Variants in FAM184A observed in about 807,000 individuals in gnomAD.
The protein encoded by FAM184A is protein FAM184A.
In FAM184A, 99 loss-of-function variants were observed where a neutral mutation model predicts 143.8. That is an observed-to-expected ratio of 0.69 (90% CI 0.58 to 0.81). The LOEUF (loss-of-function observed/expected upper bound fraction) is 0.81, where lower values mean the gene tolerates loss of function less well. Ranked by LOEUF, FAM184A falls within the 40% of genes least tolerant of loss-of-function variation. FAM184A has a pLI of 0.00. For missense variants in FAM184A, 1,217 were observed against 1,310.5 expected, an observed-to-expected ratio of 0.93 and a Z score of 1.10; for synonymous variants, 427 against 446.4, an observed-to-expected ratio of 0.96 and a Z score of 0.55.
At chr6:119,144,548 A>C (rs1197250799) in intron 1 of FAM184A, among the ~76,000 whole-genome samples, 6 of 152,224 alleles carry the variant, frequency 3.9e-5, no homozygotes, top group Non-Finnish European at 4.4e-5. Flanking sequence ...GGTGTTTAGC[A>C]TCTGCTCCTG....
chr6:119,016,052 G>C (rs567962821), intron 5 of FAM184A, among the ~76,000 whole-genome samples: 2 of 152,264 alleles, frequency 1.3e-5, no homozygotes, highest in East Asian at 3.9e-4. Context: ...TGCACCAATT[G>C]ACACTCTGTA....
intron 11 of FAM184A, among the ~76,000 whole-genome samples, chr6:118,977,288 C>T (rs2114573716): frequency 6.6e-6 from 1 of 152,244 alleles, no homozygotes. Context: ...CCAACCTCTA[C>T]ATGTTAAATA....
chr6:119,039,282 T>C (rs1007266086), intron 1 of FAM184A, among the ~76,000 whole-genome samples: 4 of 152,182 alleles, frequency 2.6e-5, no homozygotes, highest in East Asian at 1.9e-4. Flanking sequence ...AATCCAGGAA[T>C]TGGTATTTAC....
intron 1 of FAM184A, among the ~76,000 whole-genome samples, chr6:119,124,149 A>G (rs1343636600): frequency 6.6e-6 from 1 of 152,228 alleles, no homozygotes; most frequent in Non-Finnish European, 1.5e-5. Context: ...GCAGTTAAAG[A>G]TGACAGCTAA....
intron 9 of FAM184A, among the ~76,000 whole-genome samples, chr6:118,981,624 T>C (rs1443037001): frequency 6.6e-6 from 1 of 152,040 alleles, no homozygotes; most frequent in Non-Finnish European, 1.5e-5. Flanking sequence ...GAATCATTAA[T>C]TGGAAAAAGA....
At chr6:119,044,800 G>A (rs1786467291) in intron 1 of FAM184A, among the ~76,000 whole-genome samples, 1 of 152,184 alleles carries the variant, frequency 6.6e-6, no homozygotes, top group South Asian at 2.1e-4. Context: ...ACTGGGAACT[G>A]GGTATAACTC....
intron 1 of FAM184A, among the ~76,000 whole-genome samples, chr6:119,042,138 A>T: frequency 6.6e-6 from 1 of 152,284 alleles, no homozygotes; most frequent in Non-Finnish European, 1.5e-5. Flanking sequence ...AACTAGGGGA[A>T]TATGGTAAGA....
At chr6:118,994,745 A>G (rs1231835891) in intron 9 of FAM184A, among the ~76,000 whole-genome samples, 4 of 150,176 alleles carry the variant, frequency 2.7e-5, no homozygotes, top group African/African-American at 9.8e-5. Context: ...AAAAAGCCAG[A>G]GGGTTATCAT....
chr6:119,097,119 T>A (rs1788529484), intron 1 of FAM184A, among the ~76,000 whole-genome samples: 1 of 152,142 alleles, frequency 6.6e-6, no homozygotes, highest in Non-Finnish European at 1.5e-5. Context: ...AGAACAACGA[T>A]GACATTCCCT....
chr6:119,036,202 C>A (rs1021128338), intron 1 of FAM184A, among the ~76,000 whole-genome samples: 2 of 113,564 alleles, frequency 1.8e-5, no homozygotes, highest in Non-Finnish European at 3.6e-5. Context: ...CTTTTTTTCC[C>A]CTCGGTCCAG....
intron 1 of FAM184A, among the ~76,000 whole-genome samples, chr6:119,099,366 G>A: frequency 6.6e-6 from 1 of 152,092 alleles, no homozygotes; most frequent in Non-Finnish European, 1.5e-5. Flanking sequence ...TGCTTGTTAA[G>A]TTGCTCATTT....
At chr6:119,050,582 G>A (rs1485919837) in intron 1 of FAM184A, among the ~76,000 whole-genome samples, 5 of 151,702 alleles carry the variant, frequency 3.3e-5, no homozygotes, top group East Asian at 1.9e-4. Flanking sequence ...TGAGGCGGGT[G>A]GATCATGAGG....
intron 1 of FAM184A, among the ~76,000 whole-genome samples, chr6:119,094,799 A>C (rs1480781518): frequency 6.6e-6 from 1 of 152,170 alleles, no homozygotes; most frequent in African/African-American, 2.4e-5. Context: ...TATTGAACTA[A>C]TTACCGCAGT....
intron 3 of FAM184A, among the ~76,000 whole-genome samples, chr6:119,021,194 G>C (rs543721955): frequency 6.6e-6 from 1 of 152,086 alleles, no homozygotes; most frequent in Non-Finnish European, 1.5e-5. Context: ...TGCACTAAAG[G>C]CTATTAAAAA....
chr6:119,033,532 G>T (rs1785970918), intron 1 of FAM184A, among the ~76,000 whole-genome samples: 1 of 151,934 alleles, frequency 6.6e-6, no homozygotes, highest in Admixed American at 6.6e-5. Flanking sequence ...GGGCGTAGTG[G>T]CAGGTGCCTG....
intron 1 of FAM184A, among the ~76,000 whole-genome samples, chr6:119,123,136 C>G (rs1789271430): frequency 6.6e-6 from 1 of 151,330 alleles, no homozygotes; most frequent in Non-Finnish European, 1.5e-5. Flanking sequence ...ACCGGTAATC[C>G]CAGCACTTTG....
intron 1 of FAM184A, among the ~76,000 whole-genome samples, chr6:119,111,529 A>C (rs1214884960): frequency 6.6e-6 from 1 of 152,198 alleles, no homozygotes; most frequent in African/African-American, 2.4e-5. Context: ...AATTTTTTAA[A>C]ATGTTGAATT....
At chr6:119,102,767 TGACAGAGA>T (rs1474503065) in intron 1 of FAM184A, among the ~76,000 whole-genome samples, 2 of 101,676 alleles carry the variant, frequency 2.0e-5, no homozygotes, top group Non-Finnish European at 3.5e-5. Flanking sequence ...TCCAGCCTGA[TGACAGAGA>T]CTCCATCTCA....
At chr6:119,019,538 A>G (rs1171406614) in intron 4 of FAM184A, among the ~76,000 whole-genome samples, 1 of 152,220 alleles carries the variant, frequency 6.6e-6, no homozygotes, top group Admixed American at 6.5e-5. Context: ...TTACTCTATA[A>G]ATGATGTTTC....
Sources: allele counts gnomAD v4.1 joint callset (sites outside exome capture counted in the v4.1 genomes callset), GRCh38; gene constraint gnomAD v4.1.1; transcripts MANE v1.5; gene names NCBI Gene and HGNC (gene_info 2026-07-23, HGNC 2026-07-21).